Variants in NDUFA9 observed in about 807,000 individuals in gnomAD.
NDUFA9 encodes NADH:ubiquinone oxidoreductase subunit A9.
A neutral mutation model predicts 45.9 loss-of-function variants in NDUFA9; 23 were observed. The ratio of observed to expected loss-of-function variants is 0.50; its 90% CI spans 0.36 to 0.71. NDUFA9 has a LOEUF of 0.71. Among genes scored for constraint, NDUFA9 ranks in the 30% least tolerant of loss-of-function variants. The pLI is 0.00. For synonymous variants in NDUFA9, 176 were observed against 170.5 expected, an observed-to-expected ratio of 1.03 and a Z score of -0.25; for missense variants, 466 against 488.2, an observed-to-expected ratio of 0.95 and a Z score of 0.43.
At chr12:4,661,518 A>G (rs930958397) in intron 5 of NDUFA9, among the ~76,000 whole-genome samples, 4 of 152,006 alleles carry the variant, frequency 2.6e-5, no homozygotes, top group Non-Finnish European at 2.9e-5. Context: ...GCATGGCCCA[A>G]GGGAGGCCAA....
At chr12:4,672,669 G>GCCTCTCCAGATTC (rs1945894612) in intron 8 of NDUFA9, among the ~76,000 whole-genome samples, 1 of 152,222 alleles carries the variant, frequency 6.6e-6, no homozygotes, top group South Asian at 2.1e-4. Flanking sequence ...TGGCCAGACT[G>GCCTCTCCAGATTC]CCTCTCCAGA....
chr12:4,664,687 G>T (rs773728686), intron 6 of NDUFA9, among the ~76,000 whole-genome samples: 13 of 152,270 alleles, frequency 8.5e-5, no homozygotes, highest in East Asian at 3.9e-4. Flanking sequence ...GCCCCAGTAG[G>T]TCCTAGAAGT....
In NDUFA9 at chr12:4,659,107, T is replaced by C. The variant is rs1945808424; in HGVS notation, c.482T>C (p.Val161Ala). 6.2e-7 allele frequency: 1 copy of C among 1,612,102 alleles called. No homozygotes were observed. Among genetic ancestry groups the C allele is most frequent in the Admixed American group, 1.7e-5 (1 of 59,970 alleles). Residue 161 changes from valine to alanine, a missense_variant, in exon 5 of 11, where the codon GTT becomes GCT. Physicochemically the swap from Val to Ala is moderately conservative, Grantham distance 64. Coordinates refer to ENST00000266544, the MANE Select transcript of NDUFA9 (RefSeq NM_005002.5). The part of the protein sequence containing the change: ...AIAQLSKEAG[V>A]EKFIHVSHLN... ...GCTCAACTGTCCAAGGAAGCTGGAG[T>C]TGAAAAATTCATTCATGTTTCACAT...
chr12:4,649,313 A>G, intron 1 of NDUFA9, 138 bp downstream of exon 1: 1 of 999,608 alleles, frequency 1.0e-6, no homozygotes, highest in Non-Finnish European at 1.5e-6. Flanking sequence ...GAGCTGCCTC[A>G]GTCTGGTTTC....
chr12:4,676,736 G>A (rs10128935), intron 8 of NDUFA9, among the ~76,000 whole-genome samples: 139,043 of 152,246 alleles, frequency 0.91, 63,734 homozygotes, highest in Middle Eastern at 0.98. Flanking sequence ...AAAGTAATTT[G>A]TAGATTCAGT....
At chr12:4,650,728 G>T (rs781727173) in intron 1 of NDUFA9, among the ~76,000 whole-genome samples, 1 of 152,192 alleles carries the variant, frequency 6.6e-6, no homozygotes, top group Admixed American at 6.5e-5. Flanking sequence ...ATGATTGGAA[G>T]ACCAGTGGAG....
rs1945956419 is a variant in NDUFA9 at position 4,682,135 on chromosome 12, G to A, written c.801-70G>A. 25 of 1,174,266 alleles carry A rather than the reference G, an allele frequency of 2.1e-5. 1 individual carries two copies. The South Asian group carries it at 3.2e-4, about 15-fold the overall frequency. 72.7% of individuals were successfully genotyped at this position (1,174,266 alleles called of 1,614,324 possible). A position where few individuals can be genotyped will look rare whatever the true frequency, so the allele number is the denominator to read the frequency against. ...ATGTTTCCTTTTTTATAAGGAAAAT[G>A]TTATTTTGTTATAAAGGAAACTTTG... On this transcript the variant is annotated intron_variant, in intron 8 of 10. Transcript: ENST00000266544.
chr12:4,662,500 A>G, intron 5 of NDUFA9, 33 bp from the exon 6 acceptor site: 7 of 1,547,456 alleles, frequency 4.5e-6, no homozygotes, highest in Non-Finnish European at 6.3e-6. Flanking sequence ...CTTGTCTCTA[A>G]ACTCAAAACA....
chr12:4,663,891 T>C lies in NDUFA9; in HGVS notation c.655+1256T>C, dbSNP rs529652729. ...AGGGTGATTTTTGTAAGGTCTCAGATGGAAATGAGTAAGATGTCATTGGAA... is the reference window on the plus strand; with the variant it reads ...AGGGTGATTTTTGTAAGGTCTCAGACGGAAATGAGTAAGATGTCATTGGAA... On this transcript the variant is annotated intron_variant, in intron 6 of 10. Coordinates refer to ENST00000266544, the MANE Select transcript of NDUFA9 (RefSeq NM_005002.5). Among the ~76,000 whole-genome samples, 12 of 152,258 alleles carry C rather than the reference T, an allele frequency of 7.9e-5. No homozygotes were observed. The East Asian group carries it at 2.1e-3, about 27-fold the overall frequency.
intron 8 of NDUFA9, among the ~76,000 whole-genome samples, chr12:4,670,323 C>T (rs78482986): frequency 0.017 from 2,530 of 152,244 alleles, 26 homozygotes; most frequent in Non-Finnish European, 0.027. Context: ...ATGTGGCTTA[C>T]CTGAAATTAC....
intron 10 of NDUFA9, among the ~76,000 whole-genome samples, chr12:4,685,560 A>G (rs1945980981): frequency 6.6e-6 from 1 of 151,932 alleles, no homozygotes; most frequent in South Asian, 2.1e-4. Flanking sequence ...ACTCCTGTCA[A>G]CACACAAAAT....
chr12:4,649,299 T>G, intron 1 of NDUFA9, 124 bp downstream of exon 1: 4 of 1,130,504 alleles, frequency 3.5e-6, no homozygotes, highest in Non-Finnish European at 5.1e-6. Context: ...TTTCTCTAGG[T>G]TTGGAGCTGC....
chr12:4,653,793 A>G, intron 1 of NDUFA9: 1 of 332,080 alleles, frequency 3.0e-6, no homozygotes. Context: ...CACCAGTTTC[A>G]GATTCTGTTC....
intron 8 of NDUFA9, among the ~76,000 whole-genome samples, chr12:4,672,710 A>G (rs1182195475): frequency 6.6e-6 from 1 of 152,210 alleles, no homozygotes; most frequent in Non-Finnish European, 1.5e-5. Flanking sequence ...GCATCTCTGA[A>G]AAAAAGGCAG....
intron 9 of NDUFA9, 135 bp downstream of exon 9, chr12:4,682,435 G>A (rs1217351777): frequency 2.1e-6 from 1 of 486,072 alleles, no homozygotes; most frequent in Non-Finnish European, 3.7e-6. Flanking sequence ...CATTAGCATA[G>A]AGAAGAAGCA....
At chr12:4,653,705 CTT>C (rs200108366) in intron 1 of NDUFA9, 8,653 of 327,252 alleles carry the variant, frequency 0.026, 23 homozygotes, top group African/African-American at 0.037. Flanking sequence ...GAACTGCATT[CTT>C]TTTTTTTTTT....
chr12:4,681,745 T>C (rs1945953542), intron 8 of NDUFA9, among the ~76,000 whole-genome samples: 1 of 151,766 alleles, frequency 6.6e-6, no homozygotes, highest in African/African-American at 2.4e-5. Context: ...ATATTCTAAA[T>C]GCGTAATCAT....
chr12:4,668,638 T>A, intron 7 of NDUFA9, 114 bp downstream of exon 7: 1 of 949,620 alleles, frequency 1.1e-6, no homozygotes, highest in East Asian at 2.4e-5. Context: ...TTTGTCAACT[T>A]GTGTCAGCTA....
rs1286376359 is a variant in NDUFA9 at position 4,690,238 on chromosome 12, T to A, written c.*3130T>A. On this transcript the variant is annotated 3_prime_UTR_variant, in exon 11 of 11. Transcript: ENST00000266544. ...ACTGTAAACCCATCCCATTATCATG[T>A]TTTCTTCCTCATTTACCTACATTTA... The A allele has an allele frequency of 1.3e-5, 2 of 152,212 alleles. No individual in the cohort carries two copies. 9.4% of individuals were successfully genotyped at this position (152,212 alleles called of 1,614,324 possible). A position where few individuals can be genotyped will look rare whatever the true frequency, so the allele number is the denominator to read the frequency against.
Sources: allele counts gnomAD v4.1 joint callset (sites outside exome capture counted in the v4.1 genomes callset), GRCh38; gene constraint gnomAD v4.1.1; transcripts MANE v1.5; gene names NCBI Gene and HGNC (gene_info 2026-07-23, HGNC 2026-07-21).